The following BBX variants were observed in gnomAD, a reference collection of about 807,000 sequenced individuals.
BBX encodes the protein HMG box transcription factor BBX.
Under a neutral mutation model 100.2 loss-of-function variants are expected in BBX, and 30 were observed. That is an observed-to-expected ratio of 0.30 (90% CI 0.22 to 0.41). The LOEUF (loss-of-function observed/expected upper bound fraction) is 0.41. Among genes scored for constraint, BBX ranks in the 10% least tolerant of loss-of-function variants. The pLI, the probability that BBX is intolerant of heterozygous loss-of-function variation, is 1.00. For missense variants in BBX, 1,023 were observed against 1,129.8 expected (o/e 0.91, Z 1.35); for synonymous variants, 376 against 388.1 (o/e 0.97, Z 0.37).
At chr3:107,644,919 A>G (rs972083543) in intron 2 of BBX, among the ~76,000 whole-genome samples, 1 of 152,186 alleles carries the variant, frequency 6.6e-6, no homozygotes, top group African/African-American at 2.4e-5. Context: ...CAGTTCTTCC[A>G]TATCATAGTG....
At chr3:107,544,767 C>T (rs539364706) in intron 2 of BBX, among the ~76,000 whole-genome samples, 19 of 146,852 alleles carry the variant, frequency 1.3e-4, no homozygotes, top group East Asian at 6.0e-4. Context: ...GCACTTTGGG[C>T]GGCCAAGGCG....
intron 5 of BBX, 92 bp from the exon 6 acceptor site, chr3:107,728,673 T>C: frequency 6.1e-6 from 7 of 1,142,946 alleles, no homozygotes; most frequent in Middle Eastern, 2.2e-4. Context: ...TTTTCTCACT[T>C]GGTATCTAAA....
In BBX at chr3:107,637,989, C is replaced by T. The variant is rs187986752; in HGVS notation, c.-83-7847C>T. On this transcript the variant is annotated intron_variant, in intron 2 of 17. Transcript: ENST00000325805. Reference sequence around the variant, plus strand: ...AATGCAGTGGTGCAATCATGGCTCCCGGCAGCCTTGAACTCCCAGGCTCAA... The same window carrying T: ...AATGCAGTGGTGCAATCATGGCTCCTGGCAGCCTTGAACTCCCAGGCTCAA... Among the ~76,000 whole-genome samples, 13 of 152,182 alleles carry T rather than the reference C, an allele frequency of 8.5e-5. No individual in the cohort carries two copies. The East Asian group carries it at 1.3e-3, about 16-fold the overall frequency.
intron 12 of BBX, among the ~76,000 whole-genome samples, 187 bp from the exon 13 acceptor site, chr3:107,778,184 T>C (rs932426423): frequency 7.9e-5 from 12 of 152,172 alleles, no homozygotes; most frequent in African/African-American, 2.4e-4. Flanking sequence ...CATACGAGTT[T>C]ACTAAGAAAA....
chr3:107,722,977 G>A (rs1406081729), intron 5 of BBX, among the ~76,000 whole-genome samples: 1 of 151,958 alleles, frequency 6.6e-6, no homozygotes, highest in African/African-American at 2.4e-5. Context: ...AATTTATTAT[G>A]CTAGATATTC....
intron 2 of BBX, among the ~76,000 whole-genome samples, chr3:107,556,413 C>T (rs2050101699): frequency 6.6e-6 from 1 of 152,072 alleles, no homozygotes; most frequent in Non-Finnish European, 1.5e-5. Flanking sequence ...TGAGTCAGAA[C>T]CATTTTGCCA....
chr3:107,793,272 C>T (rs1442706255), intron 15 of BBX, among the ~76,000 whole-genome samples: 1 of 152,092 alleles, frequency 6.6e-6, no homozygotes, highest in Admixed American at 6.5e-5. Context: ...GTCTTACAGG[C>T]AGTCCCAGGC....
At chr3:107,625,426 C>T (rs1341244550) in intron 2 of BBX, among the ~76,000 whole-genome samples, 1 of 152,104 alleles carries the variant, frequency 6.6e-6, no homozygotes, top group East Asian at 1.9e-4. Context: ...TACAGGCATG[C>T]GCCACTACAC....
chr3:107,607,927 G>A (rs1326769619), intron 2 of BBX, among the ~76,000 whole-genome samples: 5 of 152,104 alleles, frequency 3.3e-5, no homozygotes, highest in Non-Finnish European at 5.9e-5. Flanking sequence ...TTCCTTAAGA[G>A]TTGTTTGAGC....
chr3:107,725,564 G>C (rs2062859636), intron 5 of BBX, among the ~76,000 whole-genome samples: 1 of 151,974 alleles, frequency 6.6e-6, no homozygotes, highest in African/African-American at 2.4e-5. Flanking sequence ...TTAAAAGATT[G>C]ACAGAATATT....
chr3:107,716,865 A>T lies in BBX; in HGVS notation c.405+16A>T. 6.2e-7 allele frequency: 1 copy of T among 1,611,098 alleles called. No individual in the cohort carries two copies. The highest frequency in any genetic ancestry group is 1.7e-4 in the Middle Eastern group (1 of 6,028). ...GGCCAAGGAGGTAGGTTACAATGAC[A>T]AGGTATTCTGATAGCTAAAAGCAAC... On this transcript the variant is annotated intron_variant, in intron 5 of 17. Transcript: ENST00000325805.
chr3:107,723,312 A>G (rs898659209), intron 5 of BBX, among the ~76,000 whole-genome samples: 14 of 152,060 alleles, frequency 9.2e-5, no homozygotes, highest in African/African-American at 3.4e-4. Context: ...TGGTAAGTCT[A>G]TCTTTTATTA....
At chr3:107,562,564 G>A (rs2050585501) in intron 2 of BBX, among the ~76,000 whole-genome samples, 2 of 152,136 alleles carry the variant, frequency 1.3e-5, no homozygotes, top group South Asian at 4.1e-4. Flanking sequence ...AAATTAATAT[G>A]TAAAATATAT....
In BBX at chr3:107,569,998, A is replaced by T. The variant is rs145784148; in HGVS notation, c.-84+43600A>T. ...GGAGTGGCTGCCAGGCAAGTTGGACAGTCTGATTTCCAGTGGGGTCCCGTA... is the reference window on the plus strand; with the variant it reads ...GGAGTGGCTGCCAGGCAAGTTGGACTGTCTGATTTCCAGTGGGGTCCCGTA... On this transcript the variant is annotated intron_variant, in intron 2 of 17. Coordinates refer to ENST00000325805, the MANE Select transcript of BBX (RefSeq NM_001142568.3). 4.4e-3 allele frequency among the ~76,000 whole-genome samples: 676 copies of T among 152,304 alleles called. 5 individuals are homozygous for T. Among genetic ancestry groups the T allele is most frequent in the African/African-American group, 0.015 (606 of 41,570 alleles).
At chr3:107,647,132 C>T (rs1276872918) in intron 3 of BBX, among the ~76,000 whole-genome samples, 1 of 151,996 alleles carries the variant, frequency 6.6e-6, no homozygotes, top group Non-Finnish European at 1.5e-5. Context: ...GAATGTCAGC[C>T]AGAATACAGT....
chr3:107,779,758 C>G (rs2067681093), intron 13 of BBX, among the ~76,000 whole-genome samples: 1 of 151,914 alleles, frequency 6.6e-6, no homozygotes. Context: ...TCTGGAGAAA[C>G]CTGAACCTTT....
Position 107,744,644 on chromosome 3 carries a change from A to G in BBX, c.684A>G (p.Thr228=), listed in dbSNP as rs758027302. 7 of 1,613,240 alleles carry G rather than the reference A, an allele frequency of 4.3e-6. No homozygotes were observed. Among genetic ancestry groups the G allele is most frequent in the South Asian group, 1.1e-5 (1 of 91,060 alleles). Residue 228 remains threonine (T), a synonymous_variant, in exon 8 of 18, where the codon ACA becomes ACG. Coordinates refer to ENST00000325805, the MANE Select transcript of BBX (RefSeq NM_001142568.3). ...CTTTGTTTCAGGTATCCTCTGGCAC[A>G]TGCAGGCCTGATGTTTCAGAATCTC... is the stretch of plus-strand genomic sequence containing the variant. ...ALGTPEVSSG[T]CRPDVSESPE... is the part of the protein sequence containing the mutation.
chr3:107,594,922 A>C (rs2053576862), intron 2 of BBX, among the ~76,000 whole-genome samples: 1 of 152,124 alleles, frequency 6.6e-6, no homozygotes, highest in African/African-American at 2.4e-5. Context: ...AGTAAAGTTA[A>C]ATAATTTGCT....
chr3:107,653,074 T>A (rs779656536), intron 3 of BBX, among the ~76,000 whole-genome samples: 13 of 152,222 alleles, frequency 8.5e-5, no homozygotes, highest in Non-Finnish European at 1.9e-4. Flanking sequence ...TTGGTGTTGA[T>A]AAGCATCTCC....
Sources: allele counts gnomAD v4.1 joint callset (sites outside exome capture counted in the v4.1 genomes callset), GRCh38; gene constraint gnomAD v4.1.1; transcripts MANE v1.5; gene names NCBI Gene and HGNC (gene_info 2026-07-23, HGNC 2026-07-21).